Variants in PDE8B observed in about 807,000 individuals in gnomAD.
PDE8B encodes high affinity cAMP-specific and IBMX-insensitive 3',5'-cyclic phosphodiesterase 8B.
PDE8B carries 26 observed loss-of-function variants against 101.3 expected under a neutral mutation model. The observed-to-expected ratio is 0.26, with a 90% CI of 0.19 to 0.36. The LOEUF (loss-of-function observed/expected upper bound fraction) is 0.36, where lower values mean the gene tolerates loss of function less well. PDE8B is among the 10% of genes least tolerant of loss of function. PDE8B has a pLI of 1.00. For missense variants in PDE8B, 810 were observed against 1,163.1 expected (o/e 0.70, Z 4.42); for synonymous variants, 424 against 429.3 (o/e 0.99, Z 0.15).
At chr5:77,203,288 C>T in the PDE8B span, among the ~76,000 whole-genome samples, 1 of 152,222 alleles carries the variant, frequency 6.6e-6, no homozygotes, top group East Asian at 1.9e-4. Flanking sequence ...ACTCTGTCTC[C>T]TCAGTGGCAT....
chr5:77,420,104 A>G (rs1358370944), intron 19 of PDE8B, among the ~76,000 whole-genome samples: 4 of 152,176 alleles, frequency 2.6e-5, no homozygotes, highest in East Asian at 1.9e-4. Context: ...GCCCTGAGAA[A>G]AAGCCAGTAC....
At chr5:77,251,654 A>G (rs377290904) in intron 1 of PDE8B, among the ~76,000 whole-genome samples, 22 of 152,118 alleles carry the variant, frequency 1.4e-4, no homozygotes, top group African/African-American at 5.1e-4. Flanking sequence ...CTCCAAGTAA[A>G]TAAATGTTAG....
At chr5:77,231,487 A>C (rs1753548082) in intron 1 of PDE8B, among the ~76,000 whole-genome samples, 1 of 152,234 alleles carries the variant, frequency 6.6e-6, no homozygotes, top group African/African-American at 2.4e-5. Context: ...GGAATTTCAA[A>C]TCACCTTCGT....
At chr5:77,185,160 A>G in the PDE8B span, among the ~76,000 whole-genome samples, 8 of 152,376 alleles carry the variant, frequency 5.3e-5, no homozygotes, top group Non-Finnish European at 1.0e-4. Context: ...GGAGACAAGG[A>G]AATGCTTTTC....
chr5:77,343,649 C>G (rs530521133), intron 6 of PDE8B, among the ~76,000 whole-genome samples: 1 of 152,284 alleles, frequency 6.6e-6, no homozygotes, highest in East Asian at 1.9e-4. Context: ...ACTTTATCAG[C>G]TTTGTACTCT....
chr5:77,177,817 C>T, the PDE8B span, among the ~76,000 whole-genome samples: 1 of 152,146 alleles, frequency 6.6e-6, no homozygotes, highest in Non-Finnish European at 1.5e-5. Context: ...CTGGGCAGGA[C>T]GGAAGCAGGA....
intron 1 of PDE8B, among the ~76,000 whole-genome samples, chr5:77,242,243 C>T (rs1328551464): frequency 6.6e-6 from 1 of 152,214 alleles, no homozygotes; most frequent in African/African-American, 2.4e-5. Context: ...ATCCCTCAGC[C>T]TGTATCCAGT....
intron 10 of PDE8B, among the ~76,000 whole-genome samples, chr5:77,390,151 T>C (rs539265324): frequency 5.8e-4 from 89 of 152,308 alleles, no homozygotes; most frequent in African/African-American, 2.1e-3. Context: ...TTTTAAATGA[T>C]TAAGAGACAA....
chr5:77,361,426 C>G (rs1174511497), intron 10 of PDE8B, among the ~76,000 whole-genome samples: 1 of 151,886 alleles, frequency 6.6e-6, no homozygotes, highest in Non-Finnish European at 1.5e-5. Flanking sequence ...TATTTACAAA[C>G]TATTATTTGA....
chr5:77,313,008 G>A (rs1773020274), intron 2 of PDE8B, among the ~76,000 whole-genome samples: 1 of 152,214 alleles, frequency 6.6e-6, no homozygotes, highest in Admixed American at 6.5e-5. Flanking sequence ...TGAAGAGGGA[G>A]TTTGTACCCT....
intron 1 of PDE8B, among the ~76,000 whole-genome samples, chr5:77,268,452 T>G (rs1172250131): frequency 6.6e-6 from 1 of 152,106 alleles, no homozygotes; most frequent in African/African-American, 2.4e-5. Context: ...AGCTTATTCA[T>G]TTTATTTTAC....
At chr5:77,313,857 G>A (rs550045708) in intron 2 of PDE8B, among the ~76,000 whole-genome samples, 3 of 152,106 alleles carry the variant, frequency 2.0e-5, no homozygotes, top group East Asian at 1.9e-4. Context: ...CTCACTCTTC[G>A]TATGTATGTG....
chr5:77,331,345 G>T, intron 4 of PDE8B, 57 bp from the exon 5 acceptor site: 1 of 1,454,660 alleles, frequency 6.9e-7, no homozygotes. Flanking sequence ...CCGTGTTTCA[G>T]TGTGAGGAAT....
intron 17 of PDE8B, among the ~76,000 whole-genome samples, chr5:77,417,622 G>C (rs368770679): frequency 6.6e-6 from 1 of 152,178 alleles, no homozygotes; most frequent in Non-Finnish European, 1.5e-5. Flanking sequence ...GAGAGCTTTC[G>C]AATTAGGGTT....
At chr5:77,334,009 C>T (rs12523314) in intron 5 of PDE8B, among the ~76,000 whole-genome samples, 38,374 of 152,152 alleles carry the variant, frequency 0.25, 5,384 homozygotes, top group East Asian at 0.44. Flanking sequence ...AGGAGAAGCA[C>T]GCTGCACCTA....
chr5:77,291,136 C>G, intron 1 of PDE8B: 2 of 1,610,778 alleles, frequency 1.2e-6, no homozygotes, highest in Non-Finnish European at 1.7e-6. Context: ...GTTCCATCAG[C>G]TCTCTTCACT....
chr5:77,124,644 C>T, the PDE8B span, among the ~76,000 whole-genome samples: 3 of 150,372 alleles, frequency 2.0e-5, no homozygotes, highest in East Asian at 1.9e-4. Flanking sequence ...GATGAAAGGA[C>T]GTGAAAGTTA....
At chr5:77,259,188 C>T (rs1251265087) in intron 1 of PDE8B, among the ~76,000 whole-genome samples, 1 of 151,292 alleles carries the variant, frequency 6.6e-6, no homozygotes, top group Non-Finnish European at 1.5e-5. Context: ...GGGTACAGCT[C>T]CAGCCTCTTC....
At chr5:77,107,931 C>T in the PDE8B span, among the ~76,000 whole-genome samples, 12 of 152,288 alleles carry the variant, frequency 7.9e-5, no homozygotes, top group African/African-American at 2.6e-4. Flanking sequence ...TCCCCTCCCC[C>T]TCCCACCACT....
Sources: allele counts gnomAD v4.1 joint callset (sites outside exome capture counted in the v4.1 genomes callset), GRCh38; gene constraint gnomAD v4.1.1; transcripts MANE v1.5; gene names NCBI Gene and HGNC (gene_info 2026-07-23, HGNC 2026-07-21).